Variants in TFDP1 observed in about 807,000 individuals in gnomAD.
The protein encoded by TFDP1 is DRTF1-polypeptide 1.
Under a neutral mutation model 48.0 loss-of-function variants are expected in TFDP1, and 6 were observed. The ratio of observed to expected loss-of-function variants is 0.13; its 90% CI spans 0.07 to 0.25. The LOEUF (loss-of-function observed/expected upper bound fraction) is 0.25. Ranked by LOEUF, TFDP1 falls within the 10% of genes least tolerant of loss-of-function variation. The pLI is 1.00. For missense variants in TFDP1, 335 were observed against 543.0 expected (o/e 0.62, Z 3.81); for synonymous variants, 201 against 211.6 (o/e 0.95, Z 0.44).
chr13:113,605,690 G>A (rs976466499), intron 2 of TFDP1, among the ~76,000 whole-genome samples: 10 of 152,238 alleles, frequency 6.6e-5, no homozygotes, highest in East Asian at 1.9e-4. Context: ...TCCTCACACC[G>A]TGGCACCAGC....
rs2047981665 is a variant in TFDP1, at chr13:113,585,580, G to A, written c.-64-194G>A. 5 of 385,822 alleles carry A rather than the reference G, an allele frequency of 1.3e-5. No homozygotes were observed. In the South Asian group the frequency reaches 2.2e-4, roughly 17 times the overall value. 23.9% of individuals were successfully genotyped at this position (385,822 alleles called of 1,614,324 possible). The stretch of plus-strand genomic sequence containing the variant: ...GGGCCCGCGGGCCACTTTTCCGCAG[G>A]GGGCATTTCCGTCTGGCGAGGCGAC... On this transcript the variant is annotated intron_variant, in intron 1 of 11. Transcript: ENST00000375370.
chr13:113,636,167 C>T (rs773249901), intron 9 of TFDP1, 39 bp downstream of exon 9: 4 of 1,608,324 alleles, frequency 2.5e-6, no homozygotes, highest in African/African-American at 2.7e-5. Context: ...GGTCACCCAT[C>T]TCTTTTTTAG....
chr13:113,600,902 G>A (rs1385284894), intron 2 of TFDP1, among the ~76,000 whole-genome samples: 2 of 150,990 alleles, frequency 1.3e-5, no homozygotes, highest in Non-Finnish European at 3.0e-5. Context: ...CCAGAACCGT[G>A]AGAGAGAATC....
At chr13:113,593,927 C>T (rs1181716970) in intron 2 of TFDP1, among the ~76,000 whole-genome samples, 2 of 146,436 alleles carry the variant, frequency 1.4e-5, no homozygotes, top group Admixed American at 6.8e-5. Context: ...CTCAGCCGTG[C>T]CCAGGTGACA....
At chr13:113,601,257 T>C (rs1322368371) in intron 2 of TFDP1, among the ~76,000 whole-genome samples, 3 of 152,266 alleles carry the variant, frequency 2.0e-5, no homozygotes, top group East Asian at 3.9e-4. Flanking sequence ...GGAGCCCAGG[T>C]CCCCGTTCAG....
chr13:113,602,979 A>AAAC lies in TFDP1; in HGVS notation c.13-8015_13-8014insCAA, dbSNP rs959147090. Among the ~76,000 whole-genome samples, 40 of 133,258 alleles carry AAAC rather than the reference A, an allele frequency of 3.0e-4. No individual in the cohort carries two copies. In the East Asian group the frequency reaches 8.1e-3, roughly 27 times the overall value. The allele number at this position is 133,258 out of a possible 152,430, so 87.4% of individuals were successfully genotyped here. On this transcript the variant is annotated intron_variant, in intron 2 of 11. Transcript: ENST00000375370. ...CTAACAATAGTTGAGCTAAAAAAAA[A>AAAC]AAAAAAACGTATAATTTACAAATTT...
intron 4 of TFDP1, among the ~76,000 whole-genome samples, chr13:113,626,868 T>TCC (rs2049193541): frequency 6.6e-6 from 1 of 152,078 alleles, no homozygotes; most frequent in Non-Finnish European, 1.5e-5. Flanking sequence ...CATAGCAGAG[T>TCC]TTGTCTGGGT....
At position 113,610,209 on chromosome 13, in the gene TFDP1, C is replaced by T. The variant is rs368136195; in HGVS notation, c.13-787C>T. ...CCTGCTGTGTGGCTGTACCGTTATG[C>T]GTGTGTGTCCTGTGTGGCTGTAGCA... On this transcript the variant is annotated intron_variant, in intron 2 of 11. Coordinates refer to ENST00000375370, the MANE Select transcript of TFDP1 (RefSeq NM_007111.5). Among the ~76,000 whole-genome samples the T allele has an allele frequency of 1.1e-4, 16 of 146,808 alleles. No homozygotes were observed. The East Asian group carries it at 2.7e-3, about 25-fold the overall frequency.
At chr13:113,637,594 T>C (rs1042915161) in intron 10 of TFDP1, 2 of 1,523,628 alleles carry the variant, frequency 1.3e-6, no homozygotes, top group African/African-American at 2.7e-5. Flanking sequence ...CAGGTATTTA[T>C]TGCAAGGCTG....
chr13:113,634,147 G>T, intron 7 of TFDP1, 114 bp downstream of exon 7: 4 of 1,455,310 alleles, frequency 2.7e-6, no homozygotes, highest in Non-Finnish European at 1.9e-6. Context: ...TCTGTGTCCG[G>T]CTGGCAGACG....
rs112118054 is a variant in TFDP1, at chr13:113,623,470, C to T, written c.186+184C>T. On this transcript the variant is annotated intron_variant, in intron 4 of 11. Transcript: ENST00000375370. This position sits in a 1 kb window ranked among gnomAD's most constrained non-coding sequence, Gnocchi z 5.2. ...TTCCATAGCCCTCTGCAGCTGCCCA[C>T]GTGTTGTTGTGGGAGAGGTGATGGC... 1.5e-3 allele frequency among the ~76,000 whole-genome samples: 230 copies of T among 152,206 alleles called. No individual in the cohort carries two copies. Among genetic ancestry groups the T allele is most frequent in the African/African-American group, 4.4e-3 (184 of 41,518 alleles).
chr13:113,619,512 C>G (rs1179734643), intron 3 of TFDP1, among the ~76,000 whole-genome samples: 1 of 151,526 alleles, frequency 6.6e-6, no homozygotes, highest in Non-Finnish European at 1.5e-5. Context: ...AAGAAGCCCA[C>G]CCACCCAGGT....
chr13:113,602,236 G>A (rs577090527), intron 2 of TFDP1, among the ~76,000 whole-genome samples: 2 of 150,972 alleles, frequency 1.3e-5, no homozygotes, highest in Admixed American at 1.3e-4. Context: ...GGAGTTACCT[G>A]CAGGAGTCGA....
chr13:113,585,122 A>G (rs1395026145), intron 1 of TFDP1, among the ~76,000 whole-genome samples: 1 of 145,696 alleles, frequency 6.9e-6, no homozygotes, highest in African/African-American at 2.5e-5. Context: ...CTCCCGGCCG[A>G]CAGCAGCGTC....
At chr13:113,639,836 G>A (rs1469530911) in intron 11 of TFDP1, among the ~76,000 whole-genome samples, 1 of 152,246 alleles carries the variant, frequency 6.6e-6, no homozygotes, top group Non-Finnish European at 1.5e-5. Context: ...GCTCCTGATG[G>A]AATGATGAGT....
intron 2 of TFDP1, 68 bp downstream of exon 2, chr13:113,585,917 C>T: frequency 1.3e-6 from 2 of 1,537,212 alleles, no homozygotes; most frequent in Non-Finnish European, 9.0e-7. Context: ...AGTTCTCTGC[C>T]TTTATTTCAG....
rs139950667 is a variant in TFDP1 at position 113,621,558 on chromosome 13, T to G, written c.80-1622T>G. Among the ~76,000 whole-genome samples, 286 of 152,292 alleles carry G rather than the reference T, an allele frequency of 1.9e-3. 1 individual carries two copies. The highest frequency in any genetic ancestry group is 6.6e-3 in the African/African-American group (274 of 41,566). ...TATTACAATAATCCTCACTCTACAA[T>G]CATAACCCAGGAAAAACCAGGCCAT... On this transcript the variant is annotated intron_variant, in intron 3 of 11. Coordinates refer to ENST00000375370, the MANE Select transcript of TFDP1 (RefSeq NM_007111.5).
At chr13:113,636,262 G>A (rs4150808) in intron 9 of TFDP1, 134 bp downstream of exon 9, 38 of 1,292,098 alleles carry the variant, frequency 2.9e-5, no homozygotes, top group East Asian at 2.3e-4. Flanking sequence ...CTGTCCATTG[G>A]GGGGTGGTGG....
At chr13:113,635,329 C>T (rs953926221) in intron 8 of TFDP1, among the ~76,000 whole-genome samples, 1 of 152,220 alleles carries the variant, frequency 6.6e-6, no homozygotes, top group African/African-American at 2.4e-5. Context: ...AGGAGCTCCT[C>T]AGGACCCACA....
Sources: gnomAD v4.1 joint callset for allele counts (sites outside exome capture counted in the v4.1 genomes callset) on GRCh38, gnomAD v4.1.1 for gene constraint, Gnocchi (gnomAD v3.1) non-coding constraint, MANE v1.5 for transcripts, NCBI Gene and HGNC (gene_info 2026-07-23, HGNC 2026-07-21) for gene names.